The following CNTNAP3B variants were observed in gnomAD, a reference collection of about 807,000 sequenced individuals.
CNTNAP3B encodes the protein contactin associated protein family member 3B.
CNTNAP3B carries 25 observed loss-of-function variants against 108.9 expected under a neutral mutation model. The observed-to-expected ratio is 0.23, with a 90% CI of 0.17 to 0.32. The LOEUF (loss-of-function observed/expected upper bound fraction) is 0.32, where lower values mean the gene tolerates loss of function less well. Ranked by LOEUF, CNTNAP3B falls within the 10% of genes least tolerant of loss-of-function variation. The pLI is 1.00. For synonymous variants in CNTNAP3B, 103 were observed against 473.4 expected, an observed-to-expected ratio of 0.22 and a Z score of 10.16; for missense variants, 252 against 1,210.4, an observed-to-expected ratio of 0.21 and a Z score of 11.75.
chr9:42,118,455 G>A lies in CNTNAP3B; in HGVS notation c.85+10555C>T, dbSNP rs185042838. Among the ~76,000 whole-genome samples, 196 of 137,666 alleles carry A rather than the reference G, an allele frequency of 1.4e-3. 31 individuals carry two copies. Among genetic ancestry groups the A allele is most frequent in the South Asian group, 8.1e-3 (34 of 4,210 alleles). 90.3% of individuals were successfully genotyped at this position (137,666 alleles called of 152,430 possible). A position where few individuals can be genotyped will look rare whatever the true frequency, so the allele number is the denominator to read the frequency against. On this transcript the variant is annotated intron_variant, in intron 1 of 23. Coordinates refer to ENST00000377561, the MANE Select transcript of CNTNAP3B (RefSeq NM_001201380.3). ...TGATTATCTCAATAGATGCAGAAAAGGCCTTTGACAAAATTCAAAGACGCT... is the reference window on the plus strand; with the variant it reads ...TGATTATCTCAATAGATGCAGAAAAAGCCTTTGACAAAATTCAAAGACGCT...
At chr9:42,024,655 G>A (rs1826383098) in intron 3 of CNTNAP3B, among the ~76,000 whole-genome samples, 2 of 115,370 alleles carry the variant, frequency 1.7e-5, no homozygotes, top group South Asian at 5.8e-4. Flanking sequence ...CAGAATACAT[G>A]GCTCCAGGGT....
chr9:41,964,146 G>A (rs1206586639), intron 11 of CNTNAP3B, among the ~76,000 whole-genome samples: 4 of 152,300 alleles, frequency 2.6e-5, no homozygotes, highest in Non-Finnish European at 5.9e-5. Context: ...TGACAGCCTG[G>A]CAAGGGGTTG....
chr9:41,929,901 T>C (rs1823926846), intron 14 of CNTNAP3B, among the ~76,000 whole-genome samples: 1 of 152,098 alleles, frequency 6.6e-6, no homozygotes, highest in African/African-American at 2.4e-5. Flanking sequence ...CAAGAGGTTA[T>C]TAATTCCTGA....
intron 7 of CNTNAP3B, among the ~76,000 whole-genome samples, chr9:41,995,677 G>A (rs1213726265): frequency 8.1e-6 from 1 of 123,438 alleles, no homozygotes; most frequent in Non-Finnish European, 1.7e-5. Context: ...CTTGCAGTGA[G>A]CCAAGATCGT....
Position 42,087,089 on chromosome 9 carries a change from C to A in CNTNAP3B, c.197-10027G>T, listed in dbSNP as rs558310563. ...TTTTAATGCTATTGTGAATGAAATT[C>A]TTTTCTTAATTTGATAATCAGATTG... On this transcript the variant is annotated intron_variant, in intron 2 of 23. Transcript: ENST00000377561. Among the ~76,000 whole-genome samples the A allele has an allele frequency of 9.5e-3, 1,338 of 141,194 alleles. 68 individuals carry two copies. Among genetic ancestry groups the A allele is most frequent in the African/African-American group, 0.034 (1,250 of 36,634 alleles). 92.6% of individuals were successfully genotyped at this position (141,194 alleles called of 152,430 possible). A position where few individuals can be genotyped will look rare whatever the true frequency, so the allele number is the denominator to read the frequency against.
intron 13 of CNTNAP3B, among the ~76,000 whole-genome samples, chr9:41,951,939 T>C (rs1824699287): frequency 6.6e-6 from 1 of 152,190 alleles, no homozygotes; most frequent in Non-Finnish European, 1.5e-5. Flanking sequence ...TAGCCGGGCG[T>C]GGCGGCACCC....
rs546365379 is a variant in CNTNAP3B, at chr9:42,116,680, C to A, written c.86-11941G>T. 1.1e-3 allele frequency among the ~76,000 whole-genome samples: 156 copies of A among 139,628 alleles called. 35 individuals carry two copies. The highest frequency in any genetic ancestry group is 4.2e-3 in the African/African-American group (148 of 35,244). The allele number at this position is 139,628 out of a possible 152,430, so 91.6% of individuals were successfully genotyped here. A position where few individuals can be genotyped will look rare whatever the true frequency, so the allele number is the denominator to read the frequency against. ...TCAAATTCACACATAACAATATTAA[C>A]CTTAAATGTAAATAGGCTAAATCCT... is the stretch of plus-strand genomic sequence containing the variant. On this transcript the variant is annotated intron_variant, in intron 1 of 23. Coordinates refer to ENST00000377561, the MANE Select transcript of CNTNAP3B (RefSeq NM_001201380.3).
intron 13 of CNTNAP3B, among the ~76,000 whole-genome samples, chr9:41,951,060 AG>A (rs1280086959): frequency 1.1e-5 from 1 of 89,046 alleles, no homozygotes; most frequent in Non-Finnish European, 2.5e-5. Flanking sequence ...AGCCAATAGG[AG>A]GAATTCTTGT....
At chr9:41,938,843 A>T (rs1824239448) in intron 13 of CNTNAP3B, among the ~76,000 whole-genome samples, 1 of 152,294 alleles carries the variant, frequency 6.6e-6, no homozygotes, top group African/African-American at 2.4e-5. Context: ...TGTATATTAC[A>T]CATTTGGAAA....
At chr9:41,935,327 C>T (rs1299537899) in intron 14 of CNTNAP3B, among the ~76,000 whole-genome samples, 3 of 152,198 alleles carry the variant, frequency 2.0e-5, no homozygotes, top group Admixed American at 6.5e-5. Flanking sequence ...ATACTGCCTG[C>T]CCCATTAACG....
chr9:42,077,372 A>T (rs1323466820), intron 2 of CNTNAP3B, among the ~76,000 whole-genome samples: 1 of 134,726 alleles, frequency 7.4e-6, no homozygotes, highest in Non-Finnish European at 1.6e-5. Context: ...CTTGTGCAAG[A>T]TTTGCCCTTT....
At chr9:41,934,096 G>T (rs1312299119) in intron 14 of CNTNAP3B, among the ~76,000 whole-genome samples, 1 of 17,434 alleles carries the variant, frequency 5.7e-5, no homozygotes, top group Admixed American at 7.1e-4. Flanking sequence ...TTGCATATTT[G>T]TTACATATAT....
intron 1 of CNTNAP3B, among the ~76,000 whole-genome samples, chr9:42,108,577 GAGA>G (rs1170870613): frequency 7.7e-6 from 1 of 130,450 alleles, no homozygotes; most frequent in Non-Finnish European, 1.6e-5. Context: ...ACGGTTGAGA[GAGA>G]AGTAGAGATA....
intron 15 of CNTNAP3B, among the ~76,000 whole-genome samples, chr9:41,927,662 A>G (rs1823858280): frequency 2.0e-5 from 3 of 151,866 alleles, no homozygotes; most frequent in African/African-American, 7.2e-5. Flanking sequence ...AATAATATAA[A>G]AACCAATTCA....
chr9:41,964,840 T>A (rs1342244251), intron 10 of CNTNAP3B, among the ~76,000 whole-genome samples, 196 bp from the exon 11 acceptor site: 3 of 152,244 alleles, frequency 2.0e-5, no homozygotes, highest in Admixed American at 2.0e-4. Flanking sequence ...ATGCAGCTGA[T>A]TATTAGGTTT....
At chr9:41,951,272 GAAATAGGGA>G (rs1344417302) in intron 13 of CNTNAP3B, among the ~76,000 whole-genome samples, 9 of 137,404 alleles carry the variant, frequency 6.6e-5, no homozygotes, top group Non-Finnish European at 1.4e-4. Context: ...CAAAAGAGGA[GAAATAGGGA>G]AATTCTCACT....
At chr9:41,978,017 A>C (rs1398514938) in intron 9 of CNTNAP3B, among the ~76,000 whole-genome samples, 3 of 124,940 alleles carry the variant, frequency 2.4e-5, no homozygotes, top group Non-Finnish European at 4.9e-5. Context: ...AACTATACTA[A>C]TACTCTCAAG....
At chr9:42,109,102 G>A (rs1360608877) in intron 1 of CNTNAP3B, among the ~76,000 whole-genome samples, 3 of 138,502 alleles carry the variant, frequency 2.2e-5, no homozygotes, top group Non-Finnish European at 4.6e-5. Flanking sequence ...GTTAATTCTT[G>A]CACTTATTTA....
intron 12 of CNTNAP3B, among the ~76,000 whole-genome samples, chr9:41,957,791 C>A (rs1353842650): frequency 6.6e-6 from 1 of 152,276 alleles, no homozygotes; most frequent in Non-Finnish European, 1.5e-5. Flanking sequence ...GACAAAATCT[C>A]GCTCTGTCAC....
Sources: allele counts gnomAD v4.1 joint callset (sites outside exome capture counted in the v4.1 genomes callset), GRCh38; gene constraint gnomAD v4.1.1; transcripts MANE v1.5; gene names NCBI Gene and HGNC (gene_info 2026-07-23, HGNC 2026-07-21).